Variants in PSIP1 observed in about 807,000 individuals in gnomAD.
PSIP1 encodes PC4 and SRSF1 interacting protein 1, also known as PC4 and SFRS1-interacting protein.
In PSIP1, 19 loss-of-function variants were observed where a neutral mutation model predicts 74.7. The ratio of observed to expected loss-of-function variants is 0.25; its 90% CI spans 0.18 to 0.37. PSIP1 has a LOEUF of 0.37. Ranked by LOEUF, PSIP1 falls within the 10% of genes least tolerant of loss-of-function variation. The pLI is 1.00. For missense variants in PSIP1, 601 were observed against 614.3 expected, an observed-to-expected ratio of 0.98 and a Z score of 0.23; for synonymous variants, 222 against 195.3, an observed-to-expected ratio of 1.14 and a Z score of -1.14.
chr9:15,480,968 C>T (rs752367191), intron 6 of PSIP1, among the ~76,000 whole-genome samples: 9 of 152,176 alleles, frequency 5.9e-5, no homozygotes, highest in Admixed American at 2.0e-4. Flanking sequence ...TCCACTTCTA[C>T]GAATGTATCC....
At chr9:15,471,828 A>T in intron 10 of PSIP1, 1 of 959,244 alleles carries the variant, frequency 1.0e-6, no homozygotes, top group Non-Finnish European at 1.2e-6. Flanking sequence ...TGTCTTATTG[A>T]CCTAGAGCAT....
chr9:15,484,197 C>G (rs2036459713), intron 6 of PSIP1, among the ~76,000 whole-genome samples: 1 of 148,326 alleles, frequency 6.7e-6, no homozygotes, highest in African/African-American at 2.5e-5. Context: ...AAGTTGTGTA[C>G]AGAGGCTCAC....
intron 3 of PSIP1, among the ~76,000 whole-genome samples, chr9:15,500,207 C>T (rs1262643321): frequency 6.6e-6 from 1 of 152,198 alleles, no homozygotes; most frequent in East Asian, 1.9e-4. Flanking sequence ...TGGCTCACGC[C>T]TGTAATCCCA....
chr9:15,478,664 T>C (rs62571002), intron 7 of PSIP1, 112 bp from the exon 8 acceptor site: 34,460 of 701,588 alleles, frequency 0.049, 931 homozygotes, highest in South Asian at 0.076. Flanking sequence ...TAGTAGCTTA[T>C]TACAGATACA....
At chr9:15,473,349 A>G (rs1003243869) in intron 9 of PSIP1, among the ~76,000 whole-genome samples, 7 of 152,138 alleles carry the variant, frequency 4.6e-5, no homozygotes, top group African/African-American at 1.7e-4. Flanking sequence ...CTCTTTTAAC[A>G]TTTGTCTTCA....
At chr9:15,489,381 G>C (rs150746609) in intron 4 of PSIP1, 1 of 152,254 alleles carries the variant, frequency 6.6e-6, no homozygotes, top group East Asian at 1.9e-4. Context: ...GCTGAGGTGG[G>C]TGGATCACCT....
chr9:15,491,245 C>T (rs1361357243), intron 3 of PSIP1, among the ~76,000 whole-genome samples: 1 of 152,164 alleles, frequency 6.6e-6, no homozygotes, highest in African/African-American at 2.4e-5. Context: ...TAGCATTATG[C>T]TTGGGAGCTA....
At chr9:15,488,580 G>C (rs922842087) in intron 4 of PSIP1, among the ~76,000 whole-genome samples, 1 of 152,050 alleles carries the variant, frequency 6.6e-6, no homozygotes, top group Non-Finnish European at 1.5e-5. Flanking sequence ...GGGAATATAT[G>C]CAACAATTCA....
rs1246951633 is a variant in PSIP1, at chr9:15,498,432, C to CA, written c.149+8128dup. ...CTCCGTTTCAAAACACAAAACAAAA[C>CA]AAAAAAACAAAGAGTAAGATATGCT... On this transcript the variant is annotated intron_variant, in intron 3 of 15. Transcript: ENST00000380733. 8.0e-5 allele frequency among the ~76,000 whole-genome samples: 12 copies of CA among 150,126 alleles called. No homozygotes were observed. The South Asian group carries it at 1.7e-3, about 21-fold the overall frequency.
intron 6 of PSIP1, among the ~76,000 whole-genome samples, chr9:15,484,172 GAAAA>G (rs973774465): frequency 1.5e-5 from 2 of 135,032 alleles, no homozygotes; most frequent in South Asian, 2.5e-4. Flanking sequence ...AAAAAAAAAA[GAAAA>G]AAGAGGCATC....
intron 9 of PSIP1, among the ~76,000 whole-genome samples, chr9:15,473,597 A>C (rs954114652): frequency 5.2e-4 from 79 of 152,190 alleles, no homozygotes; most frequent in Non-Finnish European, 1.1e-3. Flanking sequence ...AAAAGCTCTT[A>C]AACTGGGCAG....
intron 6 of PSIP1, among the ~76,000 whole-genome samples, chr9:15,483,920 G>C (rs574343532): frequency 2.4e-4 from 36 of 152,134 alleles, no homozygotes; most frequent in African/African-American, 6.7e-4. Context: ...TTGAGGCCAG[G>C]AGTTTGAGAC....
intron 10 of PSIP1, chr9:15,471,546 G>C (rs971294697): frequency 1.0e-6 from 1 of 972,572 alleles, no homozygotes; most frequent in Non-Finnish European, 1.2e-6. Context: ...TCAGTGAAAA[G>C]ATAGAATAGA....
chr9:15,488,930 A>G (rs2036694874), intron 4 of PSIP1, among the ~76,000 whole-genome samples: 2 of 152,186 alleles, frequency 1.3e-5, no homozygotes, highest in Admixed American at 1.3e-4. Context: ...CTGAGGCAGG[A>G]GAATGGTGTG....
intron 3 of PSIP1, among the ~76,000 whole-genome samples, chr9:15,501,906 C>G (rs2037367255): frequency 6.8e-6 from 1 of 147,446 alleles, no homozygotes; most frequent in Admixed American, 6.7e-5. Flanking sequence ...TCTGGGGTCT[C>G]CAGCCCCCTG....
At chr9:15,486,806 G>A in intron 5 of PSIP1, 21 bp downstream of exon 5, 1 of 1,529,588 alleles carries the variant, frequency 6.5e-7, no homozygotes, top group South Asian at 1.2e-5. Context: ...GGTTTAAAAT[G>A]TTAGGAGAAA....
chr9:15,464,516 G>A lies in PSIP1; in HGVS notation c.*1004C>T. On this transcript the variant is annotated 3_prime_UTR_variant, in exon 16 of 16. Transcript: ENST00000380733. The stretch of plus-strand genomic sequence containing the variant: ...TACAGACTTATCAAAGTACAATGCT[G>A]GAACAACTAGTGTTTGTATTTTTGG... 1 of 200,362 alleles carries A rather than the reference G, an allele frequency of 5.0e-6. No homozygotes were observed. Among genetic ancestry groups the A allele is most frequent in the Non-Finnish European group, 1.0e-5 (1 of 97,436 alleles). The allele number at this position is 200,362 out of a possible 1,614,324, so 12.4% of individuals were successfully genotyped here.
At chr9:15,494,970 A>G (rs139568431) in intron 3 of PSIP1, among the ~76,000 whole-genome samples, 125 of 152,314 alleles carry the variant, frequency 8.2e-4, no homozygotes, top group African/African-American at 2.8e-3. Flanking sequence ...AACCCAATTC[A>G]ACACAAATTC....
In PSIP1 at chr9:15,474,074, C is replaced by G. The variant is rs1322950881; in HGVS notation, c.793G>C (p.Ala265Pro). The change falls in exon 9 of 16, where the codon GCT becomes CCT. Residue 265 changes from alanine (A) to proline (P), a missense_variant. Around this residue, in one of 2 missense-constraint regions of PSIP1, gnomAD observed 538 missense variants for 507.6 expected, o/e 1.06. Transcript: ENST00000380733. Reference protein sequence around the residue: ...KEVESKRKNLAKTGVTSTSDS... With the variant: ...KEVESKRKNLPKTGVTSTSDS... ...GAGGTTGAAGTAACCCCTGTTTTAGCTAAATTTTTCCTTTTTGATTCAACT... is the reference window on the plus strand; with the variant it reads ...GAGGTTGAAGTAACCCCTGTTTTAGGTAAATTTTTCCTTTTTGATTCAACT... 1.2e-6 allele frequency: 2 copies of G among 1,613,586 alleles called. No homozygotes were observed. Among genetic ancestry groups the G allele is most frequent in the Non-Finnish European group, 8.5e-7 (1 of 1,179,898 alleles).
Sources: allele counts gnomAD v4.1 joint callset (sites outside exome capture counted in the v4.1 genomes callset), GRCh38; gene constraint gnomAD v4.1.1; regional missense constraint gnomAD v4.1.1; transcripts MANE v1.5; gene names NCBI Gene and HGNC (gene_info 2026-07-23, HGNC 2026-07-21).